Variants in NOL9 observed in about 807,000 individuals in gnomAD.
The protein encoded by NOL9 is nucleolar protein 9.
NOL9 carries 28 observed loss-of-function variants against 67.9 expected under a neutral mutation model. That is an observed-to-expected ratio of 0.41 (90% confidence interval 0.31 to 0.57). NOL9 has a LOEUF of 0.57. NOL9 is among the 20% of genes least tolerant of loss of function. NOL9 has a pLI of 0.25. For missense variants in NOL9, 777 were observed against 897.0 expected, an observed-to-expected ratio of 0.87 and a Z score of 1.71; for synonymous variants, 356 against 352.2, an observed-to-expected ratio of 1.01 and a Z score of -0.12.
In NOL9 at chr1:6,554,359, T is replaced by C. The variant is rs1406978954; in HGVS notation, c.144A>G (p.Leu48=). Residue 48 remains leucine, a synonymous_variant, in exon 1 of 12, where the codon CTA becomes CTG. Transcript: ENST00000377705. ...CCTGGGCTTGCAGTAACCGCCACCGTAGGCGCCGCCGACCGCACCAGCGCA... is the reference window on the plus strand; with the variant it reads ...CCTGGGCTTGCAGTAACCGCCACCGCAGGCGCCGCCGACCGCACCAGCGCA... ...GSLRWCGRRR[L]RWRLLQAQAS... is the part of the protein sequence containing the mutation. 2 of 1,454,458 alleles carry C rather than the reference T, an allele frequency of 1.4e-6. No individual in the cohort carries two copies. Among genetic ancestry groups the C allele is most frequent in the East Asian group, 2.9e-5 (1 of 34,734 alleles). The allele number at this position is 1,454,458 out of a possible 1,614,324, so 90.1% of individuals were successfully genotyped here. A position where few individuals can be genotyped will look rare whatever the true frequency, so the allele number is the denominator to read the frequency against.
chr1:6,549,227 A>G, intron 3 of NOL9: 1 of 202,356 alleles, frequency 4.9e-6, no homozygotes, highest in Non-Finnish European at 1.0e-5. Context: ...ACTGCACTCC[A>G]GCCTGAGTGA....
chr1:6,549,473 G>T, intron 3 of NOL9, 98 bp downstream of exon 3: 1 of 1,383,164 alleles, frequency 7.2e-7, no homozygotes, highest in Non-Finnish European at 9.9e-7. Flanking sequence ...GCACTAGATA[G>T]ACCAACTGTT....
intron 3 of NOL9, among the ~76,000 whole-genome samples, chr1:6,547,722 G>A (rs2148661140): frequency 6.6e-6 from 1 of 152,158 alleles, no homozygotes; most frequent in Admixed American, 6.6e-5. Flanking sequence ...GGGAGTCATG[G>A]CGTGTACCTG....
At chr1:6,526,025 T>C (rs374130067) in intron 11 of NOL9, 22 bp from the exon 12 acceptor site, 68 of 1,610,786 alleles carry the variant, frequency 4.2e-5, no homozygotes, top group Middle Eastern at 1.6e-4. Context: ...ACACAGAGAA[T>C]GCATGGAAAC....
intron 6 of NOL9, among the ~76,000 whole-genome samples, chr1:6,535,843 G>A (rs1055484025): frequency 5.3e-5 from 8 of 151,040 alleles, no homozygotes; most frequent in Admixed American, 4.0e-4. Context: ...CAGGTGAATT[G>A]CTTGAACCCA....
At chr1:6,544,682 G>A (rs554230862) in intron 5 of NOL9, 144 bp downstream of exon 5, 6 of 776,036 alleles carry the variant, frequency 7.7e-6, no homozygotes, top group African/African-American at 5.2e-5. Flanking sequence ...AGACGGCAGT[G>A]AGGACCAGAT....
At chr1:6,539,334 G>C (rs1460945165) in intron 6 of NOL9, among the ~76,000 whole-genome samples, 1 of 152,180 alleles carries the variant, frequency 6.6e-6, no homozygotes, top group Non-Finnish European at 1.5e-5. Context: ...AGGATATGGA[G>C]GAGATATTTG....
At chr1:6,536,967 A>C (rs1324781610) in intron 6 of NOL9, among the ~76,000 whole-genome samples, 1 of 151,950 alleles carries the variant, frequency 6.6e-6, no homozygotes, top group Non-Finnish European at 1.5e-5. Flanking sequence ...TGATTGTGCT[A>C]ATTAATGCAC....
At chr1:6,549,500 C>T (rs1007599900) in intron 3 of NOL9, 71 bp downstream of exon 3, 120 of 1,560,888 alleles carry the variant, frequency 7.7e-5, no homozygotes, top group Non-Finnish European at 9.6e-5. Flanking sequence ...AGACAACATC[C>T]TACATAGTCA....
intron 10 of NOL9, 90 bp from the exon 11 acceptor site, chr1:6,526,919 A>C (rs891605087): frequency 1.4e-6 from 2 of 1,431,454 alleles, no homozygotes; most frequent in African/African-American, 2.8e-5. Context: ...TTTTGAACAT[A>C]AGTCTTTATA....
At chr1:6,539,455 A>G (rs1570061241) in intron 6 of NOL9, among the ~76,000 whole-genome samples, 1 of 146,064 alleles carries the variant, frequency 6.8e-6, no homozygotes, top group Non-Finnish European at 1.5e-5. Flanking sequence ...CATACAATTG[A>G]ATAACATCCA....
chr1:6,548,259 C>T (rs9701016), intron 3 of NOL9: 123,179 of 155,552 alleles, frequency 0.79, 49,974 homozygotes, highest in Non-Finnish European at 0.87. Context: ...TCGATTCTCC[C>T]GCCTCACCTC....
At chr1:6,545,207 G>A in intron 3 of NOL9, 27 bp from the exon 4 acceptor site, 1 of 1,594,552 alleles carries the variant, frequency 6.3e-7, no homozygotes, top group South Asian at 1.1e-5. Flanking sequence ...AAACTTTAAG[G>A]TGAAAAAATG....
chr1:6,530,715 C>T (rs1006431912), intron 9 of NOL9, among the ~76,000 whole-genome samples: 25 of 152,228 alleles, frequency 1.6e-4, no homozygotes, highest in African/African-American at 5.8e-4. Context: ...AATGCTTCCA[C>T]CTGACAATGC....
intron 1 of NOL9, among the ~76,000 whole-genome samples, chr1:6,552,992 A>T (rs939535447): frequency 6.6e-6 from 1 of 151,994 alleles, no homozygotes; most frequent in African/African-American, 2.4e-5. Flanking sequence ...TTGTATTTTT[A>T]GTAGAGATGA....
At position 6,549,785 on chromosome 1, in the gene NOL9, A is replaced by G. The variant is rs113845881; in HGVS notation, c.617-87T>C. Reference sequence around the variant, plus strand: ...GGACTGCCATCTCCTCGGCTAAACTATAAACATTAGGAGAGTAGGAATTAC... The same window carrying G: ...GGACTGCCATCTCCTCGGCTAAACTGTAAACATTAGGAGAGTAGGAATTAC... On this transcript the variant is annotated intron_variant, in intron 2 of 11. Coordinates refer to ENST00000377705, the MANE Select transcript of NOL9 (RefSeq NM_024654.5). 11 of 1,527,696 alleles carry G rather than the reference A, an allele frequency of 7.2e-6. No homozygotes were observed. In the African/African-American group the frequency reaches 8.3e-5, roughly 11 times the overall value. The allele number at this position is 1,527,696 out of a possible 1,614,324, so 94.6% of individuals were successfully genotyped here.
chr1:6,535,772 C>CA (rs1355842931), intron 6 of NOL9, among the ~76,000 whole-genome samples: 1 of 151,744 alleles, frequency 6.6e-6, no homozygotes, highest in Non-Finnish European at 1.5e-5. Context: ...ACTAAAAATA[C>CA]AAAAAATTAG....
intron 7 of NOL9, 97 bp downstream of exon 7, chr1:6,533,183 A>G (rs1570047997): frequency 7.5e-7 from 1 of 1,334,656 alleles, no homozygotes; most frequent in South Asian, 1.5e-5. Flanking sequence ...TCAATTAAAA[A>G]CAAAAAACAA....
chr1:6,541,614 A>G (rs966871847), intron 6 of NOL9, among the ~76,000 whole-genome samples: 4 of 152,262 alleles, frequency 2.6e-5, no homozygotes, highest in Non-Finnish European at 4.4e-5. Context: ...AACTAATTTC[A>G]TAAAACAAAA....
Sources: allele counts gnomAD v4.1 joint callset (sites outside exome capture counted in the v4.1 genomes callset), GRCh38; gene constraint gnomAD v4.1.1; transcripts MANE v1.5; gene names NCBI Gene and HGNC (gene_info 2026-07-23, HGNC 2026-07-21).